GREB1L: variants seen among roughly 807,000 people sequenced by gnomAD.
GREB1L encodes GREB1 like retinoic acid receptor coactivator, also known as GREB1-like protein.
GREB1L carries 17 observed loss-of-function variants against 200.8 expected under a neutral mutation model. That is an observed-to-expected ratio of 0.08 (90% CI 0.06 to 0.13). The LOEUF (loss-of-function observed/expected upper bound fraction) is 0.13, where lower values mean the gene tolerates loss of function less well. Among genes scored for constraint, GREB1L ranks in the 10% least tolerant of loss-of-function variants. GREB1L has a pLI of 1.00. For synonymous variants in GREB1L, 789 were observed against 893.0 expected, an observed-to-expected ratio of 0.88 and a Z score of 2.08; for missense variants, 1,657 against 2,367.7, an observed-to-expected ratio of 0.70 and a Z score of 6.23.
chr18:21,389,631 C>CT (rs1471988900), intron 4 of GREB1L, among the ~76,000 whole-genome samples: 3 of 152,178 alleles, frequency 2.0e-5, no homozygotes, highest in Admixed American at 2.0e-4. Flanking sequence ...CTTCTCAACA[C>CT]TAACTGTGCC....
intron 7 of GREB1L, among the ~76,000 whole-genome samples, chr18:21,425,937 T>C (rs1054731695): frequency 3.9e-5 from 6 of 152,224 alleles, no homozygotes; most frequent in Non-Finnish European, 7.3e-5. Context: ...TTCGGTGTTA[T>C]AGCTAAGAAA....
Position 21,262,491 on chromosome 18 carries a change from C to T in GREB1L, c.-120+20098C>T, listed in dbSNP as rs559695947. On this transcript the variant is annotated intron_variant, in intron 1 of 32. Transcript: ENST00000424526. ...GATTACGTGCTTAGAGATACTTTTG[C>T]TCCGTTACACTTCTGCTTTCCCAAA... 1.1e-4 allele frequency among the ~76,000 whole-genome samples: 17 copies of T among 152,258 alleles called. 1 individual carries two copies. The South Asian group carries it at 3.1e-3, about 28-fold the overall frequency.
intron 26 of GREB1L, 32 bp from the exon 27 acceptor site, chr18:21,508,355 C>G (rs1169890442): frequency 6.4e-7 from 1 of 1,550,486 alleles, no homozygotes. Context: ...CTTTAATTTC[C>G]CTTTATGGTC....
At chr18:21,513,475 C>T (rs2037311926) in intron 27 of GREB1L, among the ~76,000 whole-genome samples, 1 of 152,198 alleles carries the variant, frequency 6.6e-6, no homozygotes, top group African/African-American at 2.4e-5. Context: ...AACAGCATTT[C>T]CTAGATGTGG....
chr18:21,459,703 A>G (rs1425525966), intron 15 of GREB1L, among the ~76,000 whole-genome samples: 1 of 152,120 alleles, frequency 6.6e-6, no homozygotes, highest in Non-Finnish European at 1.5e-5. Context: ...TTTTGGTCTC[A>G]CCAACCTTAT....
rs60719145 is a variant in GREB1L at position 21,257,207 on chromosome 18, A to G, written c.-120+14814A>G. ...GGTCTCGATCTCAACTGACCTGGTGATCCGCCCGCCTCGGCTTCCCAAAGT... is the reference window on the plus strand; with the variant it reads ...GGTCTCGATCTCAACTGACCTGGTGGTCCGCCCGCCTCGGCTTCCCAAAGT... On this transcript the variant is annotated intron_variant, in intron 1 of 32. Transcript: ENST00000424526. 1.0e-2 allele frequency among the ~76,000 whole-genome samples: 1,518 copies of G among 152,000 alleles called. 31 individuals carry two copies. Among genetic ancestry groups the G allele is most frequent in the African/African-American group, 0.034 (1,430 of 41,450 alleles).
At chr18:21,330,744 A>T (rs1018668666) in intron 1 of GREB1L, among the ~76,000 whole-genome samples, 32 of 152,178 alleles carry the variant, frequency 2.1e-4, no homozygotes, top group African/African-American at 7.0e-4. Context: ...GAAAAAAAAA[A>T]TTTTAAGGGA....
chr18:21,306,877 T>C (rs9947064), intron 1 of GREB1L, among the ~76,000 whole-genome samples: 6,086 of 152,304 alleles, frequency 0.04, 421 homozygotes, highest in African/African-American at 0.14. Flanking sequence ...TGCTCTTTGC[T>C]GATAAATATC....
intron 1 of GREB1L, among the ~76,000 whole-genome samples, chr18:21,305,502 G>A (rs1181182624): frequency 6.6e-6 from 1 of 151,906 alleles, no homozygotes; most frequent in Non-Finnish European, 1.5e-5. Context: ...CTGCTAGTAA[G>A]CCTATCTCCA....
intron 7 of GREB1L, among the ~76,000 whole-genome samples, chr18:21,419,541 C>T (rs932608692): frequency 6.6e-6 from 1 of 152,204 alleles, no homozygotes; most frequent in Non-Finnish European, 1.5e-5. Context: ...CAACCTCCAC[C>T]TCCCTTCAAG....
chr18:21,511,455 GT>G (rs1224380045), intron 27 of GREB1L, among the ~76,000 whole-genome samples: 1 of 151,964 alleles, frequency 6.6e-6, no homozygotes, highest in Non-Finnish European at 1.5e-5. Flanking sequence ...CTTAGCTTTT[GT>G]TTTTGATATC....
chr18:21,410,283 T>C (rs2030803051), intron 7 of GREB1L, among the ~76,000 whole-genome samples: 1 of 152,272 alleles, frequency 6.6e-6, no homozygotes, highest in African/African-American at 2.4e-5. Flanking sequence ...TCTTTGCCTA[T>C]GTAGGCTCTT....
In GREB1L at chr18:21,518,104, T is replaced by C; in HGVS notation, c.5342T>C (p.Leu1781Pro). 1 of 1,551,662 alleles carries C rather than the reference T, an allele frequency of 6.4e-7. No individual in the cohort carries two copies. Among genetic ancestry groups the C allele is most frequent in the Non-Finnish European group, 8.7e-7 (1 of 1,146,978 alleles). The stretch of plus-strand genomic sequence containing the variant: ...GCTCCCGACAGTGAACACACACTAC[T>C]GGCAGCCCCTGCACAGTTTCTCCTG... Reference protein sequence around the residue: ...ICAPDSEHTLLAAPAQFLLEK... With the variant: ...ICAPDSEHTLPAAPAQFLLEK... The change falls in exon 31 of 33, where the codon CTG becomes CCG. Residue 1781 changes from leucine (L) to proline (P), a missense_variant. Leu to Pro is a moderately conservative substitution (Grantham distance 98, BLOSUM62 -3). Transcript: ENST00000424526.
At chr18:21,494,215 T>G (rs1278546950) in intron 19 of GREB1L, among the ~76,000 whole-genome samples, 2 of 152,194 alleles carry the variant, frequency 1.3e-5, no homozygotes, top group East Asian at 3.8e-4. Flanking sequence ...ACACGGGAAG[T>G]CTGTGAAACT....
At chr18:21,388,533 C>CTTTTT (rs768141691) in intron 4 of GREB1L, among the ~76,000 whole-genome samples, 2 of 74,650 alleles carry the variant, frequency 2.7e-5, no homozygotes, top group Non-Finnish European at 4.6e-5. Flanking sequence ...CCTTAGGTTC[C>CTTTTT]TTTTTTTTTT....
chr18:21,457,603 T>C (rs2034828495), intron 15 of GREB1L, among the ~76,000 whole-genome samples: 1 of 152,250 alleles, frequency 6.6e-6, no homozygotes. Context: ...CATTACAGTG[T>C]GTACCTCTTT....
At chr18:21,247,344 C>CA (rs1354313367) in intron 1 of GREB1L, among the ~76,000 whole-genome samples, 2 of 152,160 alleles carry the variant, frequency 1.3e-5, no homozygotes, top group Non-Finnish European at 2.9e-5. Context: ...TGAGTATCTT[C>CA]AGCAGTCCCT....
intron 1 of GREB1L, among the ~76,000 whole-genome samples, chr18:21,300,563 A>C (rs774253709): frequency 1.3e-5 from 2 of 152,124 alleles, no homozygotes; most frequent in Non-Finnish European, 2.9e-5. Flanking sequence ...CCCAGATTTT[A>C]TCTTTGCAGA....
intron 1 of GREB1L, among the ~76,000 whole-genome samples, chr18:21,329,970 G>T (rs78814453): frequency 0.049 from 1,267 of 25,606 alleles, 9 homozygotes; most frequent in Non-Finnish European, 0.054. Flanking sequence ...TTTTTTTTTT[G>T]GGGGGGGGGG....
Sources: gnomAD v4.1 joint callset for allele counts (sites outside exome capture counted in the v4.1 genomes callset) on GRCh38, gnomAD v4.1.1 for gene constraint, MANE v1.5 for transcripts, NCBI Gene and HGNC (gene_info 2026-07-23, HGNC 2026-07-21) for gene names.